ECE1: variants seen among roughly 807,000 people sequenced by gnomAD.
ECE1 encodes the protein endothelin converting enzyme 1, also known as endothelin-converting enzyme 1.
In ECE1, 35 loss-of-function variants were observed where a neutral mutation model predicts 98.6. That is an observed-to-expected ratio of 0.35 (90% CI 0.27 to 0.47). The LOEUF is 0.47. ECE1 is among the 20% of genes least tolerant of loss of function. The pLI, the probability that ECE1 is intolerant of heterozygous loss-of-function variation, is 1.00. For synonymous variants in ECE1, 394 were observed against 407.1 expected (o/e 0.97, Z 0.39); for missense variants, 814 against 1,025.3 (o/e 0.79, Z 2.81).
intron 2 of ECE1, among the ~76,000 whole-genome samples, chr1:21,280,393 A>G (rs28367935): frequency 1.3e-5 from 2 of 152,294 alleles, no homozygotes; most frequent in East Asian, 1.9e-4. Context: ...CAGGGGTTCA[A>G]TCAGGGAGGG....
At chr1:21,249,859 C>T (rs756115332) in intron 8 of ECE1, among the ~76,000 whole-genome samples, 8 of 151,990 alleles carry the variant, frequency 5.3e-5, no homozygotes, top group Non-Finnish European at 1.0e-4. Flanking sequence ...TTGCAACCTC[C>T]GCCTCCCGGG....
At position 21,319,489 on chromosome 1, in the gene ECE1, C is replaced by G. The variant is rs1162271007; in HGVS notation, c.3+25887G>C. On this transcript the variant is annotated intron_variant, in intron 1 of 18. Transcript: ENST00000415912. This position sits in a 1 kb window ranked among gnomAD's most constrained non-coding sequence, Gnocchi z 4.4. Reference sequence around the variant, plus strand: ...ATAAATGCCGGCTCCATGCTGCCCCCACCTCTGTCCACCAGGGCACCCCCG... The same window carrying G: ...ATAAATGCCGGCTCCATGCTGCCCCGACCTCTGTCCACCAGGGCACCCCCG... 6.6e-6 allele frequency among the ~76,000 whole-genome samples: 1 copy of G among 152,186 alleles called. No individual in the cohort carries two copies. The highest frequency in any genetic ancestry group is 1.9e-4 in the East Asian group (1 of 5,194).
Position 21,307,293 on chromosome 1 carries a change from A to G in ECE1, c.4-17137T>C, listed in dbSNP as rs1280280997. Among the ~76,000 whole-genome samples the G allele has an allele frequency of 1.3e-5, 2 of 152,030 alleles. No individual in the cohort carries two copies. On this transcript the variant is annotated intron_variant, in intron 1 of 18. Transcript: ENST00000415912. The surrounding 1 kb of genome is among the most constrained non-coding windows in gnomAD (Gnocchi z 4.2). The stretch of plus-strand genomic sequence containing the variant: ...GGGCTGGAGCTAGCATCTCCACATC[A>G]TGGGTGGAAGATAGATCTCAAGGTC...
rs532145305 is a variant in ECE1, at chr1:21,279,287, G to T, written c.184C>A (p.Arg62=). The change falls in exon 3 of 19, where the codon CGG becomes AGG. Residue 62 remains arginine, a synonymous_variant. Coordinates refer to ENST00000374893, the MANE Select transcript of ECE1 (RefSeq NM_001397.3). ...ACCAGCCGCTTCTCCACCTGGGTCC[G>T]TGCAGCCCAGCACCTCTGGCCACTC... The part of the protein sequence containing the change: ...PRSGQRCWAA[R]TQVEKRLVVL... The T allele has an allele frequency of 4.5e-5, 73 of 1,614,066 alleles. 1 individual carries two copies. In the East Asian group the frequency reaches 1.6e-3, roughly 35 times the overall value.
intron 1 of ECE1, among the ~76,000 whole-genome samples, chr1:21,334,872 G>T (rs1248669956): frequency 1.3e-5 from 2 of 152,154 alleles, no homozygotes; most frequent in Admixed American, 6.5e-5. Flanking sequence ...CCTGAGGCCC[G>T]CGCTCCTGCC....
intron 1 of ECE1, among the ~76,000 whole-genome samples, chr1:21,342,424 G>A (rs2103422097): frequency 6.6e-6 from 1 of 152,194 alleles, no homozygotes; most frequent in African/African-American, 2.4e-5. Flanking sequence ...AGCCTCCTCA[G>A]AACCCTCGGC....
chr1:21,313,150 T>C (rs1638763588), intron 1 of ECE1, among the ~76,000 whole-genome samples: 1 of 152,138 alleles, frequency 6.6e-6, no homozygotes, highest in African/African-American at 2.4e-5. Flanking sequence ...CCTCTGTGCT[T>C]GTCCCCTCAC....
chr1:21,236,759 G>A lies in ECE1; in HGVS notation c.1475C>T (p.Ser492Leu). 1.2e-6 allele frequency: 2 copies of A among 1,613,952 alleles called. No homozygotes were observed. Among genetic ancestry groups the A allele is most frequent in the Non-Finnish European group, 1.7e-6 (2 of 1,180,026 alleles). Reference protein sequence around the residue: ...LKWMDEETRKSAKEKADAIYN... With the variant: ...LKWMDEETRKLAKEKADAIYN... ...GGCCAGCCTCACCTTTTCCTTGGCTGATTTTCGGGTTTCCTCATCCATCCA... is the reference window on the plus strand; with the variant it reads ...GGCCAGCCTCACCTTTTCCTTGGCTAATTTTCGGGTTTCCTCATCCATCCA... The change falls in exon 12 of 19, where the codon TCA becomes TTA. Residue 492 changes from serine to leucine, a missense_variant. By Grantham distance (145) the Ser-to-Leu change is moderately radical (BLOSUM62 -2). Around this residue, in one of 3 missense-constraint regions of ECE1, gnomAD observed 452 missense variants for 567.3 expected, o/e 0.80. Transcript: ENST00000374893.
At chr1:21,226,077 C>G (rs1241482694) in intron 16 of ECE1, among the ~76,000 whole-genome samples, 1 of 152,146 alleles carries the variant, frequency 6.6e-6, no homozygotes, top group South Asian at 2.1e-4. Flanking sequence ...GACCTAGGAT[C>G]ACAAGACAGG....
chr1:21,236,672 C>T, intron 12 of ECE1, 74 bp downstream of exon 12: 3 of 1,404,712 alleles, frequency 2.1e-6, no homozygotes, highest in Middle Eastern at 2.3e-4. Flanking sequence ...AAAAAACCGG[C>T]CTCTCCTTCC....
At chr1:21,242,140 C>T (rs1039237292) in intron 10 of ECE1, among the ~76,000 whole-genome samples, 6 of 152,172 alleles carry the variant, frequency 3.9e-5, no homozygotes, top group East Asian at 1.9e-4. Flanking sequence ...TAATCTTAGG[C>T]GGCCCTTGGA....
chr1:21,318,301 G>GACAC (rs1373995075), intron 1 of ECE1, among the ~76,000 whole-genome samples: 2 of 152,178 alleles, frequency 1.3e-5, no homozygotes, highest in African/African-American at 4.8e-5. Context: ...AGGGCCCAAG[G>GACAC]ACATTTCCAG....
intron 1 of ECE1, among the ~76,000 whole-genome samples, chr1:21,342,204 A>C (rs1639412145): frequency 6.6e-6 from 1 of 152,176 alleles, no homozygotes; most frequent in Non-Finnish European, 1.5e-5. Flanking sequence ...TGGAAAGTGA[A>C]GGAACATTCT....
Position 21,260,681 on chromosome 1 carries a change from C to T in ECE1, c.494-289G>A, listed in dbSNP as rs938326506. 6.6e-5 allele frequency among the ~76,000 whole-genome samples: 10 copies of T among 152,288 alleles called. No homozygotes were observed. The highest frequency in any genetic ancestry group is 9.6e-5 in the African/African-American group (4 of 41,562). ...TTCACAGACGTGTCCCCGGGTTGAC[C>T]GCACGTGCCCACCAGCAGGACAGTG... On this transcript the variant is annotated intron_variant, in intron 4 of 18. Coordinates refer to ENST00000374893, the MANE Select transcript of ECE1 (RefSeq NM_001397.3). This position sits in a 1 kb window ranked among gnomAD's most constrained non-coding sequence, Gnocchi z 4.3.
At chr1:21,290,872 T>G (rs2098266018), upstream of ECE1, among the ~76,000 whole-genome samples, 2 of 152,164 alleles carry the variant, frequency 1.3e-5, no homozygotes, top group Non-Finnish European at 2.9e-5. This position sits in a 1 kb window ranked among gnomAD's most constrained non-coding sequence, Gnocchi z 7.3. Flanking sequence ...CCCCTTTCAG[T>G]TCCCCTTTCT....
chr1:21,283,688 G>T (rs983167697), intron 2 of ECE1, among the ~76,000 whole-genome samples: 1 of 152,182 alleles, frequency 6.6e-6, no homozygotes, highest in Admixed American at 6.5e-5. Flanking sequence ...CACGTCTCCA[G>T]GACTGGCAGC....
chr1:21,254,219 T>C (rs922260550), intron 8 of ECE1, among the ~76,000 whole-genome samples: 1 of 152,176 alleles, frequency 6.6e-6, no homozygotes, highest in African/African-American at 2.4e-5. Context: ...TAGAATTTAA[T>C]CAGAAATATC....
upstream of ECE1, among the ~76,000 whole-genome samples, chr1:21,291,699 C>T (rs949338738): frequency 1.3e-5 from 2 of 152,120 alleles, no homozygotes; most frequent in African/African-American, 4.8e-5. Flanking sequence ...TGGTGGCATG[C>T]ATCTGTAATC....
chr1:21,284,412 G>A (rs1252153073), intron 2 of ECE1, among the ~76,000 whole-genome samples: 1 of 152,192 alleles, frequency 6.6e-6, no homozygotes, highest in African/African-American at 2.4e-5. Context: ...TCGCTGGTGG[G>A]CTTAATTTCC....
Sources: allele counts gnomAD v4.1 joint callset (sites outside exome capture counted in the v4.1 genomes callset), GRCh38; gene constraint gnomAD v4.1.1; regional missense constraint gnomAD v4.1.1; non-coding constraint Gnocchi (gnomAD v3.1); transcripts MANE v1.5; gene names NCBI Gene and HGNC (gene_info 2026-07-23, HGNC 2026-07-21).